The following KCTD11 variants were observed in gnomAD, a reference collection of about 807,000 sequenced individuals.
KCTD11 encodes potassium channel tetramerization domain containing 11, also known as BTB/POZ domain-containing protein KCTD11.
Under a neutral mutation model 10.7 loss-of-function variants are expected in KCTD11, and 8 were observed. That is an observed-to-expected ratio of 0.74 (90% CI 0.44 to 1.34). KCTD11 has a LOEUF of 1.34. KCTD11 is among the 40% of genes most tolerant of loss of function. The pLI, the probability that KCTD11 is intolerant of heterozygous loss-of-function variation, is 0.01. For missense variants in KCTD11, 346 were observed against 356.1 expected (o/e 0.97, Z 0.23); for synonymous variants, 153 against 160.8 (o/e 0.95, Z 0.37).
rs3840878 is a variant in KCTD11, at chr17:7,354,528, GGTGT to G, written c.*912_*915del. The stretch of plus-strand genomic sequence containing the variant: ...TTGACAATTAGTAGTTTAATCACAG[GGTGT>G]GTGTGTGTGTGTGTGTGTGTGTGTT... On this transcript the variant is annotated 3_prime_UTR_variant, in exon 1 of 1. Coordinates refer to ENST00000333751, the MANE Select transcript of KCTD11 (RefSeq NM_001363642.1). The G allele has an allele frequency of 7.8e-4, 127 of 162,042 alleles. No individual in the cohort carries two copies. Among genetic ancestry groups the G allele is most frequent in the Middle Eastern group, 3.4e-3 (1 of 294 alleles). The allele number at this position is 162,042 out of a possible 1,614,324, so 10.0% of individuals were successfully genotyped here. A position where few individuals can be genotyped will look rare whatever the true frequency, so the allele number is the denominator to read the frequency against.
At position 7,353,177 on chromosome 17, in the gene KCTD11, T is replaced by C. The variant is rs751539303; in HGVS notation, c.352T>C (p.Ser118Pro). The C allele has an allele frequency of 6.2e-7, 1 of 1,613,424 alleles. No individual in the cohort carries two copies. The highest frequency in any genetic ancestry group is 1.1e-5 in the South Asian group (1 of 91,076). ...GGACGCGCTGCGGGAACTGGAGGCC[T>C]CTCAGGGGACCCCTGCACCCACAGC... is the stretch of plus-strand genomic sequence containing the variant. Residue 118 changes from serine (S) to proline (P), a missense_variant, in exon 1 of 1, where the codon TCT becomes CCT. Transcript: ENST00000333751. This position sits in a 1 kb window ranked among gnomAD's most constrained non-coding sequence, Gnocchi z 4.9.
At position 7,352,864 on chromosome 17, in the gene KCTD11, T is replaced by C; in HGVS notation, c.39T>C (p.Phe13=). The change falls in exon 1 of 1, where the codon TTT becomes TTC. Residue 13 remains phenylalanine (F), a synonymous_variant. Transcript: ENST00000333751. This position sits in a 1 kb window ranked among gnomAD's most constrained non-coding sequence, Gnocchi z 4.5. ...CTGTGCCCTCTTCGCCCCCCTCCTT[T>C]GGGGGCCCCGTGACCCTGAATGTGG... 2 of 1,252,014 alleles carry C rather than the reference T, an allele frequency of 1.6e-6. No individual in the cohort carries two copies. Among genetic ancestry groups the C allele is most frequent in the Non-Finnish European group, 2.2e-6 (2 of 900,286 alleles). 77.6% of individuals were successfully genotyped at this position (1,252,014 alleles called of 1,614,324 possible).
Position 7,353,695 on chromosome 17 carries a change from C to T in KCTD11, c.*54C>T. The stretch of plus-strand genomic sequence containing the variant: ...AGGAGAGAGAATGGGGTACTAGCAC[C>T]CCTGAAGCCTCTTTCCAGCTCTGCT... On this transcript the variant is annotated 3_prime_UTR_variant, in exon 1 of 1. Transcript: ENST00000333751. The surrounding 1 kb of genome is among the most constrained non-coding windows in gnomAD (Gnocchi z 4.9). 1 of 1,461,344 alleles carries T rather than the reference C, an allele frequency of 6.8e-7. No homozygotes were observed. Among genetic ancestry groups the T allele is most frequent in the Admixed American group, 2.3e-5 (1 of 43,144 alleles). 90.5% of individuals were successfully genotyped at this position (1,461,344 alleles called of 1,614,324 possible).
At position 7,353,492 on chromosome 17, in the gene KCTD11, C is replaced by T. The variant is rs1200940201; in HGVS notation, c.667C>T (p.Pro223Ser). The change falls in exon 1 of 1, where the codon CCA becomes TCA. Residue 223 changes from proline to serine, a missense_variant. Physicochemically the swap from Pro to Ser is moderately conservative, Grantham distance 74. Coordinates refer to ENST00000333751, the MANE Select transcript of KCTD11 (RefSeq NM_001363642.1). The surrounding 1 kb of genome is among the most constrained non-coding windows in gnomAD (Gnocchi z 4.9). Reference sequence around the variant, plus strand: ...GCTGCAGCCGCTGTGGACTGGGGGGCCAGGAGAGCGGCGGGAGGTGGTGGG... The same window carrying T: ...GCTGCAGCCGCTGTGGACTGGGGGGTCAGGAGAGCGGCGGGAGGTGGTGGG... 1.2e-6 allele frequency: 2 copies of T among 1,600,368 alleles called. No individual in the cohort carries two copies. Among genetic ancestry groups the T allele is most frequent in the Non-Finnish European group, 1.7e-6 (2 of 1,171,528 alleles).
In KCTD11 at chr17:7,352,537, G is replaced by A. The variant is rs1203406149; in HGVS notation, c.-289G>A. ...AAACCCACTGTCTGAAGACCACAGA[G>A]GGGTGTCGCTGACCACCCCAAATCG... On this transcript the variant is annotated 5_prime_UTR_variant, in exon 1 of 1. Coordinates refer to ENST00000333751, the MANE Select transcript of KCTD11 (RefSeq NM_001363642.1). This position sits in a 1 kb window ranked among gnomAD's most constrained non-coding sequence, Gnocchi z 4.5. The A allele has an allele frequency of 5.8e-6, 2 of 343,222 alleles. No homozygotes were observed. Among genetic ancestry groups the A allele is most frequent in the African/African-American group, 4.2e-5 (2 of 47,404 alleles). The allele number at this position is 343,222 out of a possible 1,614,324, so 21.3% of individuals were successfully genotyped here. A position where few individuals can be genotyped will look rare whatever the true frequency, so the allele number is the denominator to read the frequency against.
chr17:7,352,712 G>A lies in KCTD11; in HGVS notation c.-114G>A, dbSNP rs2073424818. 1.9e-6 allele frequency: 1 copy of A among 532,134 alleles called. No individual in the cohort carries two copies. Among genetic ancestry groups the A allele is most frequent in the African/African-American group, 1.9e-5 (1 of 53,118 alleles). The allele number at this position is 532,134 out of a possible 1,614,324, so 33.0% of individuals were successfully genotyped here. A position where few individuals can be genotyped will look rare whatever the true frequency, so the allele number is the denominator to read the frequency against. ...CGGGGTGAGCCCCAAACCTTACTGG[G>A]TGTGCTCCACCTGTGCCTCCAACCC... On this transcript the variant is annotated 5_prime_UTR_variant, in exon 1 of 1. It adds an upstream start codon to the 5' untranslated region. Transcript: ENST00000333751. This position sits in a 1 kb window ranked among gnomAD's most constrained non-coding sequence, Gnocchi z 4.5.
In KCTD11 at chr17:7,353,887, A is replaced by G; in HGVS notation, c.*246A>G. On this transcript the variant is annotated 3_prime_UTR_variant, in exon 1 of 1. Coordinates refer to ENST00000333751, the MANE Select transcript of KCTD11 (RefSeq NM_001363642.1). The surrounding 1 kb of genome is among the most constrained non-coding windows in gnomAD (Gnocchi z 4.9). ...GGTTCTCTCAGCTTGTTCTTGCCTAAGGCTGAGCACCTCCAGTCTCTCCTT... is the reference window on the plus strand; with the variant it reads ...GGTTCTCTCAGCTTGTTCTTGCCTAGGGCTGAGCACCTCCAGTCTCTCCTT... 2.3e-6 allele frequency: 1 copy of G among 442,230 alleles called. No homozygotes were observed. The highest frequency in any genetic ancestry group is 4.1e-6 in the Non-Finnish European group (1 of 241,802). 27.4% of individuals were successfully genotyped at this position (442,230 alleles called of 1,614,324 possible).
chr17:7,353,452 G>A lies in KCTD11; in HGVS notation c.627G>A (p.Glu209=), dbSNP rs769117548. 5.7e-5 allele frequency: 92 copies of A among 1,611,264 alleles called. 1 individual carries two copies. The South Asian group carries it at 1.0e-3, about 18-fold the overall frequency. The change falls in exon 1 of 1, where the codon GAG becomes GAA. Residue 209 remains glutamate, a synonymous_variant. Transcript: ENST00000333751. The surrounding 1 kb of genome is among the most constrained non-coding windows in gnomAD (Gnocchi z 4.9). ...GCCCCGTGGAACTCCCCGAGGTGGA[G>A]TATGGGAGACTGGGGCTGCAGCCGC...
Position 7,353,644 on chromosome 17 carries a change from A to T in KCTD11, c.*3A>T, listed in dbSNP as rs1373740544. The stretch of plus-strand genomic sequence containing the variant: ...CTCTGCGCTTTGTCCGGCACTGAGG[A>T]TGCTGTTCTCAGTTTGACTGTGGGG... On this transcript the variant is annotated 3_prime_UTR_variant, in exon 1 of 1. Transcript: ENST00000333751. The surrounding 1 kb of genome is among the most constrained non-coding windows in gnomAD (Gnocchi z 4.9). 5 of 1,513,522 alleles carry T rather than the reference A, an allele frequency of 3.3e-6. No individual in the cohort carries two copies. Among genetic ancestry groups the T allele is most frequent in the Non-Finnish European group, 4.4e-6 (5 of 1,131,968 alleles). The allele number at this position is 1,513,522 out of a possible 1,614,324, so 93.8% of individuals were successfully genotyped here. A position where few individuals can be genotyped will look rare whatever the true frequency, so the allele number is the denominator to read the frequency against.
In KCTD11 at chr17:7,353,475, C is replaced by T. The variant is rs112812573; in HGVS notation, c.650C>T (p.Pro217Leu). The change falls in exon 1 of 1, where the codon CCG becomes CTG. Residue 217 changes from proline (P) to leucine (L), a missense_variant. Coordinates refer to ENST00000333751, the MANE Select transcript of KCTD11 (RefSeq NM_001363642.1). The surrounding 1 kb of genome is among the most constrained non-coding windows in gnomAD (Gnocchi z 4.9). Reference sequence around the variant, plus strand: ...GAGTATGGGAGACTGGGGCTGCAGCCGCTGTGGACTGGGGGGCCAGGAGAG... The same window carrying T: ...GAGTATGGGAGACTGGGGCTGCAGCTGCTGTGGACTGGGGGGCCAGGAGAG... 2.5e-6 allele frequency: 4 copies of T among 1,607,064 alleles called. No individual in the cohort carries two copies. Among genetic ancestry groups the T allele is most frequent in the African/African-American group, 1.3e-5 (1 of 74,810 alleles).
rs1266872539 is a variant in KCTD11, at chr17:7,353,065, G to A, written c.240G>A (p.Arg80=). The change falls in exon 1 of 1, where the codon AGG becomes AGA. Residue 80 remains arginine, a synonymous_variant. Coordinates refer to ENST00000333751, the MANE Select transcript of KCTD11 (RefSeq NM_001363642.1). The surrounding 1 kb of genome is among the most constrained non-coding windows in gnomAD (Gnocchi z 4.9). ...TCCGGCACATCCTCAATTTCCTGAG[G>A]CTGGGCCGCCTGGACCTGCCCCGTG... The A allele has an allele frequency of 6.2e-7, 1 of 1,613,568 alleles. No homozygotes were observed. Among genetic ancestry groups the A allele is most frequent in the Admixed American group, 1.7e-5 (1 of 60,022 alleles).
rs568785183 is a variant in KCTD11, at chr17:7,352,659, C to T, written c.-167C>T. On this transcript the variant is annotated 5_prime_UTR_variant, in exon 1 of 1. Coordinates refer to ENST00000333751, the MANE Select transcript of KCTD11 (RefSeq NM_001363642.1). This position sits in a 1 kb window ranked among gnomAD's most constrained non-coding sequence, Gnocchi z 4.5. ...TTTTGGGGATTTCTGTGTCCTGACA[C>T]CACCTCCCCATCCACCACCAAAGTA... is the stretch of plus-strand genomic sequence containing the variant. 1.6e-5 allele frequency: 8 copies of T among 502,414 alleles called. No individual in the cohort carries two copies. The highest frequency in any genetic ancestry group is 7.1e-5 in the Admixed American group (2 of 28,078). The allele number at this position is 502,414 out of a possible 1,614,324, so 31.1% of individuals were successfully genotyped here.
Position 7,354,641 on chromosome 17 carries a change from G to C in KCTD11, c.*1000G>C, listed in dbSNP as rs576769910. ...GTCACTGGGATCTTCCTGGTGAGAG[G>C]TAAGAGAAGTCACTGGGCTTAGCTG... On this transcript the variant is annotated 3_prime_UTR_variant, in exon 1 of 1. Coordinates refer to ENST00000333751, the MANE Select transcript of KCTD11 (RefSeq NM_001363642.1). The C allele has an allele frequency of 1.8e-5, 3 of 168,110 alleles. No individual in the cohort carries two copies. The highest frequency in any genetic ancestry group is 7.2e-5 in the African/African-American group (3 of 41,572). The allele number at this position is 168,110 out of a possible 1,614,324, so 10.4% of individuals were successfully genotyped here. A position where few individuals can be genotyped will look rare whatever the true frequency, so the allele number is the denominator to read the frequency against.
At position 7,353,698 on chromosome 17, in the gene KCTD11, TGAAGC is replaced by T; in HGVS notation, c.*58_*62del. ...AGAGAGAATGGGGTACTAGCACCCC[TGAAGC>T]CTCTTTCCAGCTCTGCTTCAGGAGC... is the stretch of plus-strand genomic sequence containing the variant. On this transcript the variant is annotated 3_prime_UTR_variant, in exon 1 of 1. Transcript: ENST00000333751. This position sits in a 1 kb window ranked among gnomAD's most constrained non-coding sequence, Gnocchi z 4.9. 7.0e-7 allele frequency: 1 copy of T among 1,436,430 alleles called. No homozygotes were observed. Among genetic ancestry groups the T allele is most frequent in the Non-Finnish European group, 9.4e-7 (1 of 1,066,748 alleles). The allele number at this position is 1,436,430 out of a possible 1,614,324, so 89.0% of individuals were successfully genotyped here. A position where few individuals can be genotyped will look rare whatever the true frequency, so the allele number is the denominator to read the frequency against.
In KCTD11 at chr17:7,354,873, G is replaced by T. The variant is rs1466319308; in HGVS notation, c.*1232G>T. 3.4e-6 allele frequency: 1 copy of T among 298,064 alleles called. No individual in the cohort carries two copies. Among genetic ancestry groups the T allele is most frequent in the Non-Finnish European group, 6.7e-6 (1 of 150,336 alleles). The allele number at this position is 298,064 out of a possible 1,614,324, so 18.5% of individuals were successfully genotyped here. ...CGCACAGCTTCTTCACTGGTGGGGGGTGGGGCACACATTATTTCTCACTGG... is the reference window on the plus strand; with the variant it reads ...CGCACAGCTTCTTCACTGGTGGGGGTTGGGGCACACATTATTTCTCACTGG... On this transcript the variant is annotated 3_prime_UTR_variant, in exon 1 of 1. Coordinates refer to ENST00000333751, the MANE Select transcript of KCTD11 (RefSeq NM_001363642.1).
In KCTD11 at chr17:7,353,149, C is replaced by T. The variant is rs776204215; in HGVS notation, c.324C>T (p.Leu108=). 11 of 1,613,256 alleles carry T rather than the reference C, an allele frequency of 6.8e-6. No individual in the cohort carries two copies. Among genetic ancestry groups the T allele is most frequent in the Non-Finnish European group, 9.3e-6 (11 of 1,179,656 alleles). ...CTGACTTCTACCAGATCCGGCCCCT[C>T]CTGGACGCGCTGCGGGAACTGGAGG... The change falls in exon 1 of 1, where the codon CTC becomes CTT. Residue 108 remains leucine (L), a synonymous_variant. Transcript: ENST00000333751. This position sits in a 1 kb window ranked among gnomAD's most constrained non-coding sequence, Gnocchi z 4.9.
Position 7,353,880 on chromosome 17 carries a change from T to C in KCTD11, c.*239T>C. On this transcript the variant is annotated 3_prime_UTR_variant, in exon 1 of 1. Transcript: ENST00000333751. The surrounding 1 kb of genome is among the most constrained non-coding windows in gnomAD (Gnocchi z 4.9). Reference sequence around the variant, plus strand: ...TAGGGAAGGTTCTCTCAGCTTGTTCTTGCCTAAGGCTGAGCACCTCCAGTC... The same window carrying C: ...TAGGGAAGGTTCTCTCAGCTTGTTCCTGCCTAAGGCTGAGCACCTCCAGTC... 2.2e-6 allele frequency: 1 copy of C among 453,140 alleles called. No individual in the cohort carries two copies. The highest frequency in any genetic ancestry group is 4.0e-6 in the Non-Finnish European group (1 of 248,980). 28.1% of individuals were successfully genotyped at this position (453,140 alleles called of 1,614,324 possible).
Position 7,354,077 on chromosome 17 carries a change from G to GTGGCC in KCTD11, c.*449_*453dup, listed in dbSNP as rs374741774. On this transcript the variant is annotated 3_prime_UTR_variant, in exon 1 of 1. Coordinates refer to ENST00000333751, the MANE Select transcript of KCTD11 (RefSeq NM_001363642.1). ...CCATGGCTTCTACTCCTGAAGCTGG[G>GTGGCC]TGGCCTGGCCTGGCCTGACCAATGA... The GTGGCC allele has an allele frequency of 5.7e-6, 1 of 176,528 alleles. No individual in the cohort carries two copies. Among genetic ancestry groups the GTGGCC allele is most frequent in the African/African-American group, 2.4e-5 (1 of 41,678 alleles). The allele number at this position is 176,528 out of a possible 1,614,324, so 10.9% of individuals were successfully genotyped here.
rs2073453041 is a variant in KCTD11, at chr17:7,354,452, C to T, written c.*811C>T. ...GCATGTCCAGGCCTGTTTGGGGTTGCCTAGCGACTCTTCTGGCACAGGGTG... is the reference window on the plus strand; with the variant it reads ...GCATGTCCAGGCCTGTTTGGGGTTGTCTAGCGACTCTTCTGGCACAGGGTG... On this transcript the variant is annotated 3_prime_UTR_variant, in exon 1 of 1. Transcript: ENST00000333751. The T allele has an allele frequency of 6.0e-6, 1 of 166,804 alleles. No homozygotes were observed. Among genetic ancestry groups the T allele is most frequent in the Non-Finnish European group, 1.5e-5 (1 of 68,232 alleles). The allele number at this position is 166,804 out of a possible 1,614,324, so 10.3% of individuals were successfully genotyped here. A position where few individuals can be genotyped will look rare whatever the true frequency, so the allele number is the denominator to read the frequency against.
Sources: gnomAD v4.1 joint callset for allele counts on GRCh38, gnomAD v4.1.1 for gene constraint, Gnocchi (gnomAD v3.1) non-coding constraint, MANE v1.5 for transcripts, NCBI Gene and HGNC (gene_info 2026-07-23, HGNC 2026-07-21) for gene names.